Variants in ALK observed in about 807,000 individuals in gnomAD.
The protein encoded by ALK is ALK receptor tyrosine kinase.
Under a neutral mutation model 163.1 loss-of-function variants are expected in ALK, and 74 were observed. That is an observed-to-expected ratio of 0.45 (90% CI 0.38 to 0.55). The LOEUF (loss-of-function observed/expected upper bound fraction) is 0.55. Among genes scored for constraint, ALK ranks in the 20% least tolerant of loss-of-function variants. ALK has a pLI of 0.00. For synonymous variants in ALK, 960 were observed against 843.2 expected (o/e 1.14, Z -2.40); for missense variants, 2,063 against 2,105.3 (o/e 0.98, Z 0.39).
intron 1 of ALK, among the ~76,000 whole-genome samples, chr2:29,833,123 G>A (rs72788260): frequency 7.2e-5 from 11 of 152,106 alleles, no homozygotes; most frequent in Non-Finnish European, 5.9e-5. Flanking sequence ...TCCGGACTCC[G>A]GCCACATAGA....
intron 3 of ALK, among the ~76,000 whole-genome samples, chr2:29,688,506 A>G (rs185802452): frequency 1.2e-3 from 178 of 152,350 alleles, no homozygotes; most frequent in Non-Finnish European, 1.7e-3. Flanking sequence ...TATTTTACCA[A>G]TGGGGCATAC....
intron 1 of ALK, among the ~76,000 whole-genome samples, chr2:29,891,582 T>C (rs185115274): frequency 1.7e-3 from 252 of 152,212 alleles, no homozygotes; most frequent in African/African-American, 5.7e-3. Flanking sequence ...AAATGACAAA[T>C]CTGAGGCCCA....
intron 11 of ALK, among the ~76,000 whole-genome samples, chr2:29,263,202 G>A (rs951069901): frequency 6.6e-6 from 1 of 152,200 alleles, no homozygotes; most frequent in Non-Finnish European, 1.5e-5. Flanking sequence ...TCTTGTCTGC[G>A]GATAGGAGAG....
chr2:29,644,204 C>T (rs192524901), intron 3 of ALK, among the ~76,000 whole-genome samples: 18 of 126,394 alleles, frequency 1.4e-4, no homozygotes, highest in African/African-American at 5.5e-4. Context: ...ACAATGAGAA[C>T]ACATGGACAC....
chr2:29,350,190 T>C (rs1430114546), intron 5 of ALK, among the ~76,000 whole-genome samples: 5 of 152,264 alleles, frequency 3.3e-5, no homozygotes, highest in Admixed American at 2.6e-4. Flanking sequence ...ACTATCCTGA[T>C]ACATAACTCC....
intron 2 of ALK, among the ~76,000 whole-genome samples, chr2:29,710,881 C>A (rs755943093): frequency 6.6e-6 from 1 of 152,152 alleles, no homozygotes; most frequent in Non-Finnish European, 1.5e-5. Flanking sequence ...GGGTTTACAG[C>A]TCTCTACTGG....
chr2:29,678,740 TTACTTGTATAATTTTA>T (rs11271932), intron 3 of ALK, among the ~76,000 whole-genome samples: 5,231 of 151,710 alleles, frequency 0.034, 125 homozygotes, highest in Middle Eastern at 0.065. Flanking sequence ...TACTGATTTT[TTACTTGTATAATTTTA>T]TACTTGTATA....
chr2:29,599,931 C>CTG (rs2148213612), intron 3 of ALK, among the ~76,000 whole-genome samples: 1 of 152,292 alleles, frequency 6.6e-6, no homozygotes, highest in Admixed American at 6.5e-5. Flanking sequence ...AAAAGCTAAG[C>CTG]TGTGTGGTTC....
At chr2:29,581,366 C>T (rs530727528) in intron 3 of ALK, among the ~76,000 whole-genome samples, 5 of 152,118 alleles carry the variant, frequency 3.3e-5, no homozygotes, top group South Asian at 2.1e-4. Context: ...CCAGCCTGGG[C>T]GACAGAGTGA....
chr2:29,517,116 G>T (rs1387188326), intron 4 of ALK, among the ~76,000 whole-genome samples: 3 of 152,216 alleles, frequency 2.0e-5, no homozygotes, highest in African/African-American at 2.4e-5. Context: ...TTTTGATGAA[G>T]TTGAGGCTGT....
chr2:29,535,600 T>A (rs6745718), intron 3 of ALK, among the ~76,000 whole-genome samples: 70,317 of 152,126 alleles, frequency 0.46, 17,343 homozygotes, highest in Non-Finnish European at 0.55. Flanking sequence ...GGTAGGTATG[T>A]AATAAAAATC....
rs908409502 is a variant in ALK, at chr2:29,227,310, G to T, written c.2915-236C>A. Among the ~76,000 whole-genome samples the T allele has an allele frequency of 1.3e-5, 2 of 152,212 alleles. No individual in the cohort carries two copies. Among genetic ancestry groups the T allele is most frequent in the African/African-American group, 4.8e-5 (2 of 41,454 alleles). ...GCTTTTGAGTCAGTGGTGGAGAGAA[G>T]CCCACGCACATGATCTTTAGGTTGG... is the stretch of plus-strand genomic sequence containing the variant. On this transcript the variant is annotated intron_variant, in intron 17 of 28. Transcript: ENST00000389048. The surrounding 1 kb of genome is among the most constrained non-coding windows in gnomAD (Gnocchi z 4.4).
intron 2 of ALK, among the ~76,000 whole-genome samples, chr2:29,697,045 C>T (rs1678588670): frequency 6.6e-6 from 1 of 151,826 alleles, no homozygotes; most frequent in South Asian, 2.1e-4. Flanking sequence ...ATGTTCTGCG[C>T]TTGTATCCCA....
intron 8 of ALK, among the ~76,000 whole-genome samples, 158 bp from the exon 9 acceptor site, chr2:29,297,215 T>G (rs576819100): frequency 6.6e-6 from 1 of 152,262 alleles, no homozygotes; most frequent in East Asian, 1.9e-4. Flanking sequence ...CCAAGAGGCT[T>G]TCAGTGAAGT....
intron 1 of ALK, among the ~76,000 whole-genome samples, chr2:29,909,931 C>A (rs1203169955): frequency 1.9e-5 from 2 of 103,110 alleles, no homozygotes; most frequent in Admixed American, 1.1e-4. Flanking sequence ...TCAATGAAGA[C>A]AAAAATGTCC....
chr2:29,493,633 C>A (rs567938276), intron 4 of ALK, among the ~76,000 whole-genome samples: 8 of 152,346 alleles, frequency 5.3e-5, no homozygotes. Flanking sequence ...GGGTAGGTCT[C>A]AGTTTCCTCA....
intron 11 of ALK, among the ~76,000 whole-genome samples, chr2:29,255,052 T>C (rs575123443): frequency 6.6e-6 from 1 of 152,316 alleles, no homozygotes; most frequent in East Asian, 1.9e-4. Flanking sequence ...TGATTTATCT[T>C]GCCAGAATTC....
At chr2:29,831,259 GGAAGAAGAAGAAGAAGAA>G (rs201594262) in intron 1 of ALK, among the ~76,000 whole-genome samples, 951 of 28,124 alleles carry the variant, frequency 0.034, 167 homozygotes, top group Middle Eastern at 0.088. Context: ...AAGAGGAAGA[GGAAGAAGAAGAAGAAGAA>G]GAAGAAGAAG....
intron 1 of ALK, among the ~76,000 whole-genome samples, chr2:29,803,574 C>A (rs771079938): frequency 2.6e-5 from 4 of 152,162 alleles, no homozygotes; most frequent in Non-Finnish European, 4.4e-5. Flanking sequence ...TGGTCTTTAC[C>A]TTCTTCACCA....
Sources: allele counts gnomAD v4.1 joint callset (sites outside exome capture counted in the v4.1 genomes callset), GRCh38; gene constraint gnomAD v4.1.1; non-coding constraint Gnocchi (gnomAD v3.1); transcripts MANE v1.5; gene names NCBI Gene and HGNC (gene_info 2026-07-23, HGNC 2026-07-21).